The following ROBO2 variants were observed in gnomAD, a reference collection of about 807,000 sequenced individuals.
ROBO2 encodes roundabout homolog 2.
ROBO2 carries 53 observed loss-of-function variants against 160.8 expected under a neutral mutation model. The ratio of observed to expected loss-of-function variants is 0.33; its 90% CI spans 0.26 to 0.41. The LOEUF is 0.41. Among genes scored for constraint, ROBO2 ranks in the 10% least tolerant of loss-of-function variants. The pLI is 1.00. For missense variants in ROBO2, 1,577 were observed against 1,722.4 expected, an observed-to-expected ratio of 0.92 and a Z score of 1.49; for synonymous variants, 664 against 611.7, an observed-to-expected ratio of 1.09 and a Z score of -1.26.
intron 2 of ROBO2, among the ~76,000 whole-genome samples, chr3:76,643,421 C>A: frequency 6.6e-6 from 1 of 152,148 alleles, no homozygotes; most frequent in Middle Eastern, 3.4e-3. Flanking sequence ...AAAGAAATAT[C>A]GTTTTTGATG....
chr3:76,457,097 C>T (rs2106663929), intron 2 of ROBO2, among the ~76,000 whole-genome samples: 1 of 152,292 alleles, frequency 6.6e-6, no homozygotes, highest in East Asian at 1.9e-4. Context: ...CCTCATATTT[C>T]AAAACCAACC....
chr3:77,348,875 G>A (rs1386327954), intron 2 of ROBO2, among the ~76,000 whole-genome samples: 1 of 151,998 alleles, frequency 6.6e-6, no homozygotes, highest in East Asian at 1.9e-4. Flanking sequence ...TGCATCACCT[G>A]TTGGCTCTGC....
chr3:77,006,332 T>C (rs2061579292), intron 2 of ROBO2, among the ~76,000 whole-genome samples: 1 of 151,712 alleles, frequency 6.6e-6, no homozygotes, highest in African/African-American at 2.4e-5. Context: ...TGTGTGTGTG[T>C]GTGTGTGTGT....
chr3:77,042,155 A>G (rs1464795171), intron 1 of ROBO2, among the ~76,000 whole-genome samples: 1 of 152,218 alleles, frequency 6.6e-6, no homozygotes, highest in East Asian at 1.9e-4. Flanking sequence ...CCCCAGCGAT[A>G]GTGAGGGAGG....
chr3:76,637,382 A>ACCTGCATTTCTTTCTTAAAGC (rs1259593935), intron 2 of ROBO2, among the ~76,000 whole-genome samples: 1 of 151,714 alleles, frequency 6.6e-6, no homozygotes, highest in Non-Finnish European at 1.5e-5. Flanking sequence ...GACTTCAAAG[A>ACCTGCATTTCTTTCTTAAAGC]CCTGCATTTC....
chr3:76,415,071 T>C (rs1432649131), intron 2 of ROBO2, among the ~76,000 whole-genome samples: 1 of 152,208 alleles, frequency 6.6e-6, no homozygotes, highest in Non-Finnish European at 1.5e-5. Flanking sequence ...CCCTAAGCTC[T>C]GTAAATCATT....
chr3:77,244,027 C>A (rs1464565290), intron 2 of ROBO2, among the ~76,000 whole-genome samples: 1 of 152,102 alleles, frequency 6.6e-6, no homozygotes, highest in African/African-American at 2.4e-5. Context: ...TATCAAGTAT[C>A]CAAATTGCTC....
Position 76,239,406 on chromosome 3 carries a change from A to T in ROBO2, c.109+301804A>T, listed in dbSNP as rs937664848. Among the ~76,000 whole-genome samples, 5 of 152,042 alleles carry T rather than the reference A, an allele frequency of 3.3e-5. No homozygotes were observed. In the East Asian group the frequency reaches 9.7e-4, roughly 30 times the overall value. On this transcript the variant is annotated intron_variant, in intron 2 of 26. Transcript: ENST00000487694. ...TATAGTATGTATCTAGATAATGTGT[A>T]TATAAGTATGTATACAGACACATGC...
At chr3:77,453,758 G>C (rs1471760531) in intron 2 of ROBO2, among the ~76,000 whole-genome samples, 1 of 152,048 alleles carries the variant, frequency 6.6e-6, no homozygotes. Flanking sequence ...CCTTATTACT[G>C]TTATTTTCCA....
intron 2 of ROBO2, among the ~76,000 whole-genome samples, chr3:77,373,821 C>A (rs2153479014): frequency 1.3e-5 from 2 of 149,726 alleles, no homozygotes; most frequent in African/African-American, 4.9e-5. Context: ...TGTTTTCATT[C>A]ACTCCCACAG....
intron 2 of ROBO2, among the ~76,000 whole-genome samples, chr3:77,448,789 T>C (rs1049810178): frequency 6.6e-6 from 1 of 151,954 alleles, no homozygotes; most frequent in African/African-American, 2.4e-5. Flanking sequence ...TCCAGTCTCT[T>C]GCTGAGCTCT....
intron 2 of ROBO2, among the ~76,000 whole-genome samples, chr3:77,112,199 A>G (rs1457040185): frequency 6.1e-5 from 5 of 81,396 alleles, no homozygotes; most frequent in African/African-American, 1.6e-4. Context: ...GTCTCAAAAA[A>G]AAAAAAAAAA....
chr3:75,947,385 G>T (rs1053718624), intron 2 of ROBO2, among the ~76,000 whole-genome samples: 2 of 152,030 alleles, frequency 1.3e-5, no homozygotes, highest in Non-Finnish European at 2.9e-5. Flanking sequence ...AGCCAGATCT[G>T]GCCTGCTGCC....
chr3:75,977,297 G>A (rs1312543302), intron 2 of ROBO2, among the ~76,000 whole-genome samples: 1 of 151,350 alleles, frequency 6.6e-6, no homozygotes, highest in Non-Finnish European at 1.5e-5. Flanking sequence ...CAAACACATA[G>A]CTAAAAAGTA....
At chr3:77,198,525 G>A (rs1022613209) in intron 2 of ROBO2, among the ~76,000 whole-genome samples, 2 of 152,224 alleles carry the variant, frequency 1.3e-5, no homozygotes, top group African/African-American at 2.4e-5. Context: ...TGTCCCAATA[G>A]TGGGACACTT....
Position 76,454,881 on chromosome 3 carries a change from A to G in ROBO2, c.109+517279A>G, listed in dbSNP as rs1050777357. On this transcript the variant is annotated intron_variant, in intron 2 of 26. Coordinates refer to the ROBO2 transcript ENST00000487694. ...TTTATTTCTTTAAGGAATTTATTAA[A>G]CAGGCAAAAATTATTCAACATTCTA... 5.3e-5 allele frequency among the ~76,000 whole-genome samples: 8 copies of G among 152,272 alleles called. No homozygotes were observed. The East Asian group carries it at 1.2e-3, about 22-fold the overall frequency.
At chr3:76,669,010 T>C (rs2092160767) in intron 2 of ROBO2, among the ~76,000 whole-genome samples, 1 of 152,124 alleles carries the variant, frequency 6.6e-6, no homozygotes, top group Non-Finnish European at 1.5e-5. Context: ...TTTTTTGTAG[T>C]ACAGCGAGAG....
intron 6 of ROBO2, among the ~76,000 whole-genome samples, chr3:77,537,099 T>TAGG (rs1553650177): frequency 1.6e-5 from 2 of 127,780 alleles, no homozygotes; most frequent in African/African-American, 5.8e-5. Flanking sequence ...ACATATTTTG[T>TAGG]GGGGGGGGGG....
rs573259366 is a variant in ROBO2, at chr3:76,495,547, G to A, written c.109+557945G>A. 2.1e-4 allele frequency among the ~76,000 whole-genome samples: 32 copies of A among 151,414 alleles called. No homozygotes were observed. In the South Asian group the frequency reaches 6.3e-3, roughly 30 times the overall value. ...CAATCTTTCTCCATTCTAGTATTAG[G>A]TATTATTTTTGTTCTGGATCATTTA... On this transcript the variant is annotated intron_variant, in intron 2 of 26. Transcript: ENST00000487694.
Sources: gnomAD v4.1 joint callset for allele counts (sites outside exome capture counted in the v4.1 genomes callset) on GRCh38, gnomAD v4.1.1 for gene constraint, MANE v1.5 for transcripts, NCBI Gene and HGNC (gene_info 2026-07-23, HGNC 2026-07-21) for gene names.